The following PES1 variants were observed in gnomAD, a reference collection of about 807,000 sequenced individuals.
PES1 encodes pescadillo ribosomal biogenesis factor 1, also known as pescadillo homolog.
In PES1, 31 loss-of-function variants were observed where a neutral mutation model predicts 77.1. That is an observed-to-expected ratio of 0.40 (90% CI 0.30 to 0.54). The LOEUF (loss-of-function observed/expected upper bound fraction) is 0.54. Ranked by LOEUF, PES1 falls within the 20% of genes least tolerant of loss-of-function variation. PES1 has a pLI of 0.45. For missense variants in PES1, 658 were observed against 771.7 expected, an observed-to-expected ratio of 0.85 and a Z score of 1.75; for synonymous variants, 282 against 303.0, an observed-to-expected ratio of 0.93 and a Z score of 0.72.
intron 2 of PES1, among the ~76,000 whole-genome samples, chr22:30,599,422 AAT>A (rs1470536700): frequency 1.3e-5 from 2 of 152,154 alleles, no homozygotes; most frequent in African/African-American, 4.8e-5. Flanking sequence ...TTTTTTGATA[AAT>A]ATGACTAATT....
intron 14 of PES1, among the ~76,000 whole-genome samples, chr22:30,577,934 A>C (rs1326889064): frequency 6.6e-6 from 1 of 152,256 alleles, no homozygotes; most frequent in Non-Finnish European, 1.5e-5. Flanking sequence ...ATCTAATCCC[A>C]TCACAGGGGA....
At chr22:30,587,769 A>G (rs532714390) in intron 3 of PES1, among the ~76,000 whole-genome samples, 111 of 152,358 alleles carry the variant, frequency 7.3e-4, no homozygotes, top group African/African-American at 2.0e-3. Context: ...ACACCAGACT[A>G]TATCAGCATG....
intron 2 of PES1, among the ~76,000 whole-genome samples, chr22:30,602,902 G>C (rs939200446): frequency 2.2e-5 from 3 of 135,162 alleles, no homozygotes; most frequent in African/African-American, 9.5e-5. Context: ...ATCTTAACTT[G>C]AAAGCAATTT....
At chr22:30,603,237 G>T (rs1030808405) in intron 2 of PES1, among the ~76,000 whole-genome samples, 56 of 152,014 alleles carry the variant, frequency 3.7e-4, no homozygotes, top group African/African-American at 1.3e-3. Flanking sequence ...AAACTCACAG[G>T]CCCCCTAAAA....
chr22:30,581,126 G>A (rs770677363), intron 8 of PES1, 25 bp from the exon 9 acceptor site: 3 of 1,575,084 alleles, frequency 1.9e-6, no homozygotes, highest in Non-Finnish European at 2.6e-6. Context: ...GGGGCTGCTT[G>A]CAGTGGGGGA....
Position 30,591,858 on chromosome 22 carries a change from G to A in PES1, c.-25C>T, listed in dbSNP as rs200807813. On this transcript the variant is annotated 5_prime_UTR_variant, in exon 1 of 15. Transcript: ENST00000354694. ...TCGCTCCACGTTGAGGAGCCGACTA[G>A]GGCCGCGCGTACAGGGAGCTCCACT... is the stretch of plus-strand genomic sequence containing the variant. 869 of 1,548,972 alleles carry A rather than the reference G, an allele frequency of 5.6e-4. 4 individuals are homozygous for A. In the African/African-American group the frequency reaches 9.5e-3, roughly 17 times the overall value.
intron 6 of PES1, among the ~76,000 whole-genome samples, chr22:30,581,942 T>A (rs2086994650): frequency 6.6e-6 from 1 of 152,132 alleles, no homozygotes; most frequent in African/African-American, 2.4e-5. Flanking sequence ...GGGACCCTGG[T>A]CCCTGCTGCT....
In PES1 at chr22:30,589,281, A is replaced by G; in HGVS notation, c.25-11T>C. On this transcript the variant is annotated splice_polypyrimidine_tract_variant and intron_variant, in intron 1 of 14. Coordinates refer to ENST00000354694, the MANE Select transcript of PES1 (RefSeq NM_014303.4). ...CGAGCCTCGTTCATACTGGGAGAGGAAAAAAACAATTCTCCATTAGCAATG... is the reference window on the plus strand; with the variant it reads ...CGAGCCTCGTTCATACTGGGAGAGGGAAAAAACAATTCTCCATTAGCAATG... 1 of 1,607,932 alleles carries G rather than the reference A, an allele frequency of 6.2e-7. No individual in the cohort carries two copies. Among genetic ancestry groups the G allele is most frequent in the Non-Finnish European group, 8.5e-7 (1 of 1,175,528 alleles).
At position 30,584,631 on chromosome 22, in the gene PES1, T is replaced by G. The variant is rs780076199; in HGVS notation, c.455A>C (p.Lys152Thr). The change falls in exon 5 of 15, where the codon AAG (lysine) becomes ACG (threonine). Residue 152 changes from lysine (K) to threonine (T), a missense_variant. By Grantham distance (78) the Lys-to-Thr change is moderately conservative (BLOSUM62 -1). Coordinates refer to ENST00000354694, the MANE Select transcript of PES1 (RefSeq NM_014303.4). ...FLFSTFPRTG[K>T]CHVQTIQLCR... ...CAGCTGAATGGTCTGCACGTGGCAC[T>G]TGCCAGTCCGCGGGAAGGTGGAAAA... 4.3e-6 allele frequency: 7 copies of G among 1,613,924 alleles called. No homozygotes were observed. The South Asian group carries it at 7.7e-5, about 18-fold the overall frequency.
At chr22:30,585,518 C>G (rs1277200398) in intron 4 of PES1, 1 of 245,328 alleles carries the variant, frequency 4.1e-6, no homozygotes, top group South Asian at 3.6e-5. Context: ...TGAGCCCAAG[C>G]GGACAGACAG....
rs137875181 is a variant in PES1, at chr22:30,577,100, G to C, written c.1713C>G (p.Ala571=). The C allele has an allele frequency of 2.5e-6, 4 of 1,614,034 alleles. No individual in the cohort carries two copies. The highest frequency in any genetic ancestry group is 3.4e-6 in the Non-Finnish European group (4 of 1,180,034). The change falls in exon 15 of 15, where the codon GCC becomes GCG. Residue 571 remains alanine, a synonymous_variant. Transcript: ENST00000354694. ...TCTCAGACCTCACCGCCTCATCGTG[G>C]GCTTTCCGCTTCTCCGCCAGCTTGT... ...EANKLAEKRK[A]HDEAVRSEKK... is the part of the protein sequence containing the mutation.
At position 30,587,326 on chromosome 22, in the gene PES1, T is replaced by C; in HGVS notation, c.328A>G (p.Asn110Asp). 2 of 1,613,848 alleles carry C rather than the reference T, an allele frequency of 1.2e-6. No individual in the cohort carries two copies. The highest frequency in any genetic ancestry group is 2.2e-5 in the South Asian group (2 of 91,068). ...TGGTCGAGTTTGTAGTTGGGCTTATTGTCCTTTAAACGCTCTACAGTGTTC... is the reference window on the plus strand; with the variant it reads ...TGGTCGAGTTTGTAGTTGGGCTTATCGTCCTTTAAACGCTCTACAGTGTTC... ...EWNTVERLKD[N>D]KPNYKLDHII... The change falls in exon 4 of 15, where the codon AAT becomes GAT. Residue 110 changes from asparagine to aspartate, a missense_variant. Physicochemically the swap from Asn to Asp is conservative, Grantham distance 23 (BLOSUM62 1). Coordinates refer to ENST00000354694, the MANE Select transcript of PES1 (RefSeq NM_014303.4).
chr22:30,596,963 C>T (rs540650387), intron 2 of PES1, among the ~76,000 whole-genome samples: 8 of 151,316 alleles, frequency 5.3e-5, no homozygotes, highest in East Asian at 2.0e-4. Flanking sequence ...AGAAGCCAGC[C>T]GGCCGGCCCC....
At chr22:30,600,040 T>TA (rs1271430252) in intron 2 of PES1, among the ~76,000 whole-genome samples, 2 of 151,036 alleles carry the variant, frequency 1.3e-5, no homozygotes, top group Non-Finnish European at 3.0e-5. Context: ...ATTTAAAAAA[T>TA]ACGTTACAGG....
At chr22:30,595,629 CCT>C (rs1043654457), upstream of PES1, among the ~76,000 whole-genome samples, 47 of 152,240 alleles carry the variant, frequency 3.1e-4, no homozygotes, top group African/African-American at 1.0e-3. Flanking sequence ...GGAACCTTCC[CCT>C]GTCAGCCCTG....
upstream of PES1, among the ~76,000 whole-genome samples, chr22:30,594,831 G>A (rs1245296156): frequency 6.6e-6 from 1 of 152,030 alleles, no homozygotes; most frequent in African/African-American, 2.4e-5. Context: ...TTTTTAATTA[G>A]CTGGTGTGGT....
intron 2 of PES1, among the ~76,000 whole-genome samples, chr22:30,604,578 C>A (rs1410097923): frequency 6.6e-6 from 1 of 151,646 alleles, no homozygotes; most frequent in African/African-American, 2.4e-5. Context: ...TGTAGTGAGC[C>A]GAGATCATGC....
At chr22:30,601,680 T>C (rs981697030) in intron 2 of PES1, 2 of 152,210 alleles carry the variant, frequency 1.3e-5, no homozygotes, top group African/African-American at 4.8e-5. Context: ...TATGCAATAT[T>C]TCATTGTATA....
At chr22:30,599,012 C>T (rs1301890057) in intron 2 of PES1, among the ~76,000 whole-genome samples, 3 of 143,410 alleles carry the variant, frequency 2.1e-5, no homozygotes, top group Non-Finnish European at 4.5e-5. Flanking sequence ...ATTCTCCTAT[C>T]TCAGCCTCCT....
Sources: gnomAD v4.1 joint callset for allele counts (sites outside exome capture counted in the v4.1 genomes callset) on GRCh38, gnomAD v4.1.1 for gene constraint, MANE v1.5 for transcripts, NCBI Gene and HGNC (gene_info 2026-07-23, HGNC 2026-07-21) for gene names.